Variants in ANGPT2 observed in about 807,000 individuals in gnomAD.
The protein encoded by ANGPT2 is angiopoietin 2, also known as angiopoietin-2.
A neutral mutation model predicts 62.9 loss-of-function variants in ANGPT2; 28 were observed. That is an observed-to-expected ratio of 0.44 (90% CI 0.33 to 0.61). ANGPT2 has a LOEUF of 0.61. Among genes scored for constraint, ANGPT2 ranks in the 20% least tolerant of loss-of-function variants. ANGPT2 has a pLI of 0.03. For missense variants in ANGPT2, 727 were observed against 594.9 expected (o/e 1.22, Z -2.31); for synonymous variants, 284 against 207.8 (o/e 1.37, Z -3.15).
At chr8:6,559,873 C>A (rs1439318417) in intron 1 of ANGPT2, among the ~76,000 whole-genome samples, 1 of 152,154 alleles carries the variant, frequency 6.6e-6, no homozygotes, top group Non-Finnish European at 1.5e-5. Context: ...TTTATCTGAT[C>A]CTTGTTTAAC....
chr8:6,516,130 C>A (rs1563328005), intron 5 of ANGPT2, among the ~76,000 whole-genome samples: 1 of 152,188 alleles, frequency 6.6e-6, no homozygotes, highest in Admixed American at 6.5e-5. Flanking sequence ...ATGAAAGTTA[C>A]ATTTATTAAG....
chr8:6,504,272 C>A (rs892993348), intron 8 of ANGPT2, among the ~76,000 whole-genome samples: 1 of 143,082 alleles, frequency 7.0e-6, no homozygotes, highest in African/African-American at 2.6e-5. Flanking sequence ...GAGCCGAGAT[C>A]GCGCCACTGC....
chr8:6,538,536 A>T (rs1331466328), intron 1 of ANGPT2, among the ~76,000 whole-genome samples: 5 of 152,096 alleles, frequency 3.3e-5, no homozygotes, highest in African/African-American at 1.2e-4. Context: ...TGGGCCTCAG[A>T]CCTGGGCGCG....
intron 1 of ANGPT2, among the ~76,000 whole-genome samples, chr8:6,554,048 T>A (rs1465380010): frequency 6.6e-6 from 1 of 151,250 alleles, no homozygotes; most frequent in South Asian, 2.1e-4. Flanking sequence ...GCCGGAACAG[T>A]CATAATGAAG....
intron 1 of ANGPT2, among the ~76,000 whole-genome samples, chr8:6,541,791 G>A (rs1175260770): frequency 6.6e-6 from 1 of 152,084 alleles, no homozygotes; most frequent in East Asian, 1.9e-4. Flanking sequence ...ATCACTTGAG[G>A]TCAGCAGTTC....
chr8:6,531,536 C>A (rs1819517689), intron 2 of ANGPT2, among the ~76,000 whole-genome samples: 1 of 152,124 alleles, frequency 6.6e-6, no homozygotes, highest in Admixed American at 6.5e-5. Flanking sequence ...AGGTGATCCA[C>A]CCATCTCGGC....
At chr8:6,522,914 A>C (rs1817637580) in intron 3 of ANGPT2, among the ~76,000 whole-genome samples, 1 of 152,146 alleles carries the variant, frequency 6.6e-6, no homozygotes, top group Non-Finnish European at 1.5e-5. Flanking sequence ...ATGTGGCCCC[A>C]TTCCTTCTCT....
Position 6,543,455 on chromosome 8 carries a change from G to T in ANGPT2, c.289-10968C>A, listed in dbSNP as rs372725750. On this transcript the variant is annotated intron_variant, in intron 1 of 8. Transcript: ENST00000629816. ...ATTTCCGTGCTCTGCAGCAACTTGA[G>T]ACTCCTGTGAGCAAAACGCACTGAC... 8.5e-5 allele frequency among the ~76,000 whole-genome samples: 13 copies of T among 152,274 alleles called. No homozygotes were observed. In the East Asian group the frequency reaches 1.4e-3, roughly 16 times the overall value.
At chr8:6,537,641 A>T (rs1820752365) in intron 1 of ANGPT2, among the ~76,000 whole-genome samples, 1 of 152,042 alleles carries the variant, frequency 6.6e-6, no homozygotes, top group South Asian at 2.1e-4. Context: ...TTGAATGATC[A>T]AATTTGACAG....
chr8:6,516,438 TTA>T (rs1197575042), intron 5 of ANGPT2, among the ~76,000 whole-genome samples: 3 of 152,200 alleles, frequency 2.0e-5, no homozygotes, highest in African/African-American at 7.2e-5. Flanking sequence ...TTGATTCCTG[TTA>T]TGTTTTTTTT....
intron 1 of ANGPT2, among the ~76,000 whole-genome samples, chr8:6,536,986 A>C (rs1335841325): frequency 6.6e-6 from 1 of 151,726 alleles, no homozygotes; most frequent in Non-Finnish European, 1.5e-5. Flanking sequence ...AAAAAAAAAA[A>C]AAAACCAACC....
chr8:6,543,167 A>G (rs1180586253), intron 1 of ANGPT2, among the ~76,000 whole-genome samples: 3 of 152,078 alleles, frequency 2.0e-5, no homozygotes, highest in Admixed American at 2.0e-4. Context: ...CAAAAAGTTG[A>G]AAGAATTCCA....
chr8:6,523,360 T>C (rs1302206718), intron 3 of ANGPT2, among the ~76,000 whole-genome samples: 1 of 152,186 alleles, frequency 6.6e-6, no homozygotes, highest in African/African-American at 2.4e-5. Context: ...CCTAAGATAC[T>C]TTATTAATGG....
intron 5 of ANGPT2, 33 bp from the exon 6 acceptor site, chr8:6,514,811 A>G: frequency 1.9e-6 from 3 of 1,588,014 alleles, no homozygotes; most frequent in Non-Finnish European, 2.6e-6. Flanking sequence ...TAAGTGACAG[A>G]GCCCCCCCAC....
chr8:6,553,823 C>T (rs775609680), intron 1 of ANGPT2, among the ~76,000 whole-genome samples: 9 of 152,104 alleles, frequency 5.9e-5, no homozygotes, highest in Non-Finnish European at 8.8e-5. Flanking sequence ...TAAAGTCCCA[C>T]GTGATTCAGC....
chr8:6,506,961 G>T (rs951165513), intron 8 of ANGPT2, among the ~76,000 whole-genome samples: 1 of 151,744 alleles, frequency 6.6e-6, no homozygotes, highest in African/African-American at 2.4e-5. Context: ...GTACTGGTGC[G>T]ATCTCGGCTC....
intron 1 of ANGPT2, among the ~76,000 whole-genome samples, chr8:6,532,902 C>G (rs1253489983): frequency 1.3e-5 from 2 of 152,214 alleles, no homozygotes; most frequent in Non-Finnish European, 2.9e-5. Context: ...AGAAGCATCA[C>G]TATTTCTCTC....
chr8:6,513,118 C>G (rs979629967), intron 7 of ANGPT2, among the ~76,000 whole-genome samples: 1 of 152,156 alleles, frequency 6.6e-6, no homozygotes, highest in Non-Finnish European at 1.5e-5. Flanking sequence ...ATCTACCAGG[C>G]AGAGTTCTTC....
At position 6,562,717 on chromosome 8, in the gene ANGPT2, T is replaced by C; in HGVS notation, c.218A>G (p.Tyr73Cys). ...NAVQRDAPLE[Y>C]DDSVQRLQVL... is the part of the protein sequence containing the mutation. ...TTGCAGCCTCTGCACCGAGTCATCG[T>C]ATTCGAGCGGCGCGTCCCTCTGCAC... The change falls in exon 1 of 9, where the codon TAC (tyrosine) becomes TGC (cysteine). Residue 73 changes from tyrosine (Y) to cysteine (C), a missense_variant. By Grantham distance (194) the Tyr-to-Cys change is radical. Coordinates refer to ENST00000629816, the MANE Select transcript of ANGPT2 (RefSeq NM_001118887.2). 1 of 1,613,574 alleles carries C rather than the reference T, an allele frequency of 6.2e-7. No individual in the cohort carries two copies. The highest frequency in any genetic ancestry group is 8.5e-7 in the Non-Finnish European group (1 of 1,179,656).
Sources: gnomAD v4.1 joint callset for allele counts (sites outside exome capture counted in the v4.1 genomes callset) on GRCh38, gnomAD v4.1.1 for gene constraint, MANE v1.5 for transcripts, NCBI Gene and HGNC (gene_info 2026-07-23, HGNC 2026-07-21) for gene names.